TMEM232: variants seen among roughly 807,000 people sequenced by gnomAD.
TMEM232 encodes transmembrane protein 232.
A neutral mutation model predicts 78.8 loss-of-function variants in TMEM232; 80 were observed. The ratio of observed to expected loss-of-function variants is 1.01; its 90% CI spans 0.85 to 1.22. The LOEUF is 1.22. TMEM232 is among the 50% of genes most tolerant of loss of function. The pLI, the probability that TMEM232 is intolerant of heterozygous loss-of-function variation, is 0.00. For missense variants in TMEM232, 881 were observed against 742.2 expected, an observed-to-expected ratio of 1.19 and a Z score of -2.17; for synonymous variants, 297 against 254.3, an observed-to-expected ratio of 1.17 and a Z score of -1.60.
chr5:110,614,524 G>C (rs556975748), intron 8 of TMEM232, among the ~76,000 whole-genome samples: 1 of 152,074 alleles, frequency 6.6e-6, no homozygotes, highest in Admixed American at 6.6e-5. Context: ...AAATAGACGT[G>C]GATGCAATAC....
chr5:110,668,658 A>C (rs1305672425), intron 1 of TMEM232, among the ~76,000 whole-genome samples: 1 of 152,108 alleles, frequency 6.6e-6, no homozygotes, highest in African/African-American at 2.4e-5. Context: ...TCTCCACCCC[A>C]AATCAACAGA....
chr5:110,442,215 C>CTCTTTTT (rs1414929045), intron 12 of TMEM232, among the ~76,000 whole-genome samples: 6 of 152,062 alleles, frequency 3.9e-5, no homozygotes, highest in African/African-American at 1.2e-4. Flanking sequence ...CTACCCCTAT[C>CTCTTTTT]TCTTTTTCTA....
At chr5:110,702,361 T>G (rs538625977) in intron 1 of TMEM232, among the ~76,000 whole-genome samples, 2 of 152,008 alleles carry the variant, frequency 1.3e-5, no homozygotes, top group East Asian at 3.9e-4. Flanking sequence ...CATACCCCCT[T>G]GTCTGAGGGC....
chr5:110,480,617 T>C (rs1028832721), intron 12 of TMEM232, among the ~76,000 whole-genome samples: 2 of 152,094 alleles, frequency 1.3e-5, no homozygotes, highest in Admixed American at 6.6e-5. Context: ...TTCCTTTTGA[T>C]ACTGTTGGGA....
At chr5:110,623,019 TAAAA>T (rs1255361459) in intron 7 of TMEM232, among the ~76,000 whole-genome samples, 2 of 144,664 alleles carry the variant, frequency 1.4e-5, no homozygotes, top group East Asian at 4.1e-4. Flanking sequence ...AATAAATAAA[TAAAA>T]AGAAAATTTA....
intron 12 of TMEM232, among the ~76,000 whole-genome samples, chr5:110,513,183 T>C (rs1219799287): frequency 6.6e-6 from 1 of 152,208 alleles, no homozygotes; most frequent in African/African-American, 2.4e-5. Context: ...AACTGAGTTA[T>C]ATATTACAAA....
intron 12 of TMEM232, among the ~76,000 whole-genome samples, chr5:110,493,303 C>T (rs1561565957): frequency 6.7e-6 from 1 of 149,724 alleles, no homozygotes; most frequent in Non-Finnish European, 1.5e-5. Context: ...AATCAGAATC[C>T]TTAAAAGCTA....
chr5:110,493,205 G>GA (rs1765294993), intron 12 of TMEM232, among the ~76,000 whole-genome samples: 1 of 151,420 alleles, frequency 6.6e-6, no homozygotes, highest in African/African-American at 2.4e-5. Flanking sequence ...ATAATTTGAT[G>GA]AAAAAACACC....
intron 12 of TMEM232, among the ~76,000 whole-genome samples, chr5:110,438,232 CT>C (rs1161682361): frequency 6.6e-6 from 1 of 151,722 alleles, no homozygotes; most frequent in African/African-American, 2.4e-5. Flanking sequence ...TTTTCTTAGG[CT>C]TTTTTTCTCC....
intron 2 of TMEM232, among the ~76,000 whole-genome samples, chr5:110,407,422 TA>T (rs1267801925): frequency 6.6e-6 from 1 of 152,136 alleles, no homozygotes; most frequent in African/African-American, 2.4e-5. Flanking sequence ...TCTATGATTA[TA>T]AAGAGACAAA....
chr5:110,624,081 C>T (rs1784109783), intron 7 of TMEM232, among the ~76,000 whole-genome samples: 1 of 152,040 alleles, frequency 6.6e-6, no homozygotes, highest in Admixed American at 6.6e-5. Context: ...TTGACAGTTG[C>T]CTACCTCACA....
At chr5:110,676,846 C>T (rs1792093055) in intron 1 of TMEM232, among the ~76,000 whole-genome samples, 1 of 151,866 alleles carries the variant, frequency 6.6e-6, no homozygotes, top group South Asian at 2.1e-4. Flanking sequence ...GCAACCTCCA[C>T]CTCCCCGGTT....
intron 2 of TMEM232, among the ~76,000 whole-genome samples, chr5:110,410,782 G>C (rs1322732988): frequency 6.6e-6 from 1 of 152,154 alleles, no homozygotes; most frequent in Non-Finnish European, 1.5e-5. Flanking sequence ...AAGTGAAATT[G>C]AGGTACAGAG....
chr5:110,686,141 C>T (rs1793372298), intron 1 of TMEM232, among the ~76,000 whole-genome samples: 2 of 152,122 alleles, frequency 1.3e-5, no homozygotes, highest in Non-Finnish European at 2.9e-5. Context: ...GCCACTCCCC[C>T]AAACAAGAGA....
intron 1 of TMEM232, among the ~76,000 whole-genome samples, chr5:110,706,531 A>G: frequency 6.6e-6 from 1 of 152,312 alleles, no homozygotes; most frequent in Admixed American, 6.5e-5. Context: ...CCGAGGACAC[A>G]GAATGCGTAT....
chr5:110,735,600 T>C (rs974061767), intron 1 of TMEM232, among the ~76,000 whole-genome samples: 4 of 152,156 alleles, frequency 2.6e-5, no homozygotes, highest in Non-Finnish European at 4.4e-5. Context: ...CTTTAAAAGA[T>C]AGAGTCAAAT....
chr5:110,726,069 T>G (rs1798115532), intron 1 of TMEM232, among the ~76,000 whole-genome samples: 1 of 151,384 alleles, frequency 6.6e-6, no homozygotes, highest in Non-Finnish European at 1.5e-5. Flanking sequence ...TTTTAAAAAT[T>G]GTTTTATTAC....
In TMEM232 at chr5:110,526,025, CAAAAA is replaced by C. The variant is rs758110596; in HGVS notation, c.1703+2558_1703+2562del. ...TGGATCTACACCTCACACCATACAC[CAAAAA>C]AAAAAAAAAAAAAAAAAAAATTCAA... On this transcript the variant is annotated intron_variant, in intron 12 of 13. Coordinates refer to ENST00000455884, the MANE Select transcript of TMEM232 (RefSeq NM_001039763.4). Among the ~76,000 whole-genome samples the C allele has an allele frequency of 7.8e-3, 375 of 47,814 alleles. 3 individuals are homozygous for C. Among genetic ancestry groups the C allele is most frequent in the African/African-American group, 0.029 (348 of 11,862 alleles). 31.4% of individuals were successfully genotyped at this position (47,814 alleles called of 152,430 possible). A position where few individuals can be genotyped will look rare whatever the true frequency, so the allele number is the denominator to read the frequency against.
chr5:110,460,285 ATAAG>A (rs776691916), intron 12 of TMEM232, among the ~76,000 whole-genome samples: 9 of 148,992 alleles, frequency 6.0e-5, no homozygotes, highest in African/African-American at 1.8e-4. Context: ...GTAAAAATGT[ATAAG>A]TAAGTGTGTG....
Sources: gnomAD v4.1 joint callset for allele counts (sites outside exome capture counted in the v4.1 genomes callset) on GRCh38, gnomAD v4.1.1 for gene constraint, MANE v1.5 for transcripts, NCBI Gene and HGNC (gene_info 2026-07-23, HGNC 2026-07-21) for gene names.